TMEM14B: variants seen among roughly 807,000 people sequenced by gnomAD.
TMEM14B encodes transmembrane protein 14B.
Under a neutral mutation model 14.8 loss-of-function variants are expected in TMEM14B, and 9 were observed. The ratio of observed to expected loss-of-function variants is 0.61; its 90% confidence interval spans 0.37 to 1.06. TMEM14B has a LOEUF of 1.06. Ranked by LOEUF, TMEM14B falls within the 50% of genes least tolerant of loss-of-function variation. The pLI, the probability that TMEM14B is intolerant of heterozygous loss-of-function variation, is 0.01. For synonymous variants in TMEM14B, 40 were observed against 51.3 expected, an observed-to-expected ratio of 0.78 and a Z score of 0.94; for missense variants, 128 against 143.6, an observed-to-expected ratio of 0.89 and a Z score of 0.56.
rs972926515 is a variant in TMEM14B at position 10,756,952 on chromosome 6, C to G, written c.*434C>G. ...TTTGAAATTATGTTAAGTGAAATAT[C>G]AATGAAAATAAAGTTTACTATAAAT... On this transcript the variant is annotated 3_prime_UTR_variant, in exon 6 of 6. Coordinates refer to ENST00000379542, the MANE Select transcript of TMEM14B (RefSeq NM_030969.5). 445 of 984,332 alleles carry G rather than the reference C, an allele frequency of 4.5e-4. No individual in the cohort carries two copies. Among genetic ancestry groups the G allele is most frequent in the Non-Finnish European group, 5.2e-4 (430 of 829,044 alleles). The allele number at this position is 984,332 out of a possible 1,614,324, so 61.0% of individuals were successfully genotyped here.
chr6:10,755,417 A>C, intron 5 of TMEM14B, 185 bp downstream of exon 5: 1 of 1,487,422 alleles, frequency 6.7e-7, no homozygotes, highest in Non-Finnish European at 8.9e-7. Flanking sequence ...TGACATGAGT[A>C]TATCCATTCA....
chr6:10,751,331 C>A (rs539993092), intron 4 of TMEM14B, 97 bp downstream of exon 4: 1 of 1,378,672 alleles, frequency 7.3e-7, no homozygotes, highest in South Asian at 1.3e-5. Flanking sequence ...GTTCTTCCCA[C>A]TTAATTTACG....
At chr6:10,750,711 G>A (rs1306269423) in intron 3 of TMEM14B, among the ~76,000 whole-genome samples, 2 of 152,040 alleles carry the variant, frequency 1.3e-5, no homozygotes, top group African/African-American at 4.8e-5. Flanking sequence ...GGCTGCCAGT[G>A]AAAGAGCCAA....
chr6:10,751,142 C>G lies in TMEM14B; in HGVS notation c.110C>G (p.Pro37Arg). 3 of 1,613,738 alleles carry G rather than the reference C, an allele frequency of 1.9e-6. No individual in the cohort carries two copies. The highest frequency in any genetic ancestry group is 2.5e-6 in the Non-Finnish European group (3 of 1,179,998). ...GTTTGCTTCCTTCTAGGCAGCGTGC[C>G]GTCCCTGGCTGCAGGGCTGCTCTTC... ...IVGYVKTGSV[P>R]SLAAGLLFGS... Residue 37 changes from proline to arginine, a missense_variant, in exon 4 of 6, where the codon CCG becomes CGG. Transcript: ENST00000379542.
In TMEM14B at chr6:10,751,180, G is replaced by A. The variant is rs146152247; in HGVS notation, c.148G>A (p.Gly50Ser). 1,012 of 1,613,960 alleles carry A rather than the reference G, an allele frequency of 6.3e-4. 1 individual carries two copies. Among genetic ancestry groups the A allele is most frequent in the Non-Finnish European group, 8.2e-4 (969 of 1,180,022 alleles). The change falls in exon 4 of 6, where the codon GGC becomes AGC. Residue 50 changes from glycine to serine, a missense_variant. Physicochemically the swap from Gly to Ser is moderately conservative, Grantham distance 56. Transcript: ENST00000379542. The stretch of plus-strand genomic sequence containing the variant: ...AGGGCTGCTCTTCGGCAGTCTAGCC[G>A]GCCTGGGTGCTTACCAGCTGTATCA... ...AAGLLFGSLA[G>S]LGAYQLYQDP...
intron 5 of TMEM14B, chr6:10,755,444 G>C: frequency 2.7e-6 from 4 of 1,459,178 alleles, no homozygotes; most frequent in African/African-American, 1.4e-5. Flanking sequence ...AGATGGCTTT[G>C]TTCTCTGGTC....
intron 4 of TMEM14B, 150 bp from the exon 5 acceptor site, chr6:10,754,992 G>A (rs1471720974): frequency 1.6e-5 from 13 of 802,458 alleles, no homozygotes; most frequent in Non-Finnish European, 2.3e-5. Context: ...CCCATAGGAT[G>A]TGGGCAGCTA....
At chr6:10,756,062 T>C (rs568633449) in intron 5 of TMEM14B, among the ~76,000 whole-genome samples, 36 of 152,158 alleles carry the variant, frequency 2.4e-4, no homozygotes, top group Non-Finnish European at 4.9e-4. Context: ...ACTCTGATCA[T>C]AGTCGTGATG....
intron 4 of TMEM14B, among the ~76,000 whole-genome samples, chr6:10,754,785 A>T (rs80000484): frequency 7.2e-5 from 11 of 152,354 alleles, no homozygotes; most frequent in Non-Finnish European, 1.3e-4. Flanking sequence ...TGGGAATTGC[A>T]TGCAGGGTAG....
At chr6:10,755,764 G>T in intron 5 of TMEM14B, 1 of 678,724 alleles carries the variant, frequency 1.5e-6, no homozygotes. Context: ...AGACCAGCCT[G>T]GCCAACATGG....
intron 1 of TMEM14B, among the ~76,000 whole-genome samples, 162 bp downstream of exon 1, chr6:10,748,043 C>T (rs532069525): frequency 5.3e-5 from 8 of 152,276 alleles, no homozygotes; most frequent in Admixed American, 1.3e-4. Context: ...TTCTGCTTGT[C>T]TTAAAAGAGG....
chr6:10,754,413 A>G (rs1039295536), intron 4 of TMEM14B, among the ~76,000 whole-genome samples: 1 of 152,098 alleles, frequency 6.6e-6, no homozygotes, highest in East Asian at 1.9e-4. Flanking sequence ...TGAATGTGCC[A>G]TGCTCCCTGT....
chr6:10,749,289 TAG>T (rs1232817931), intron 2 of TMEM14B, 21 bp downstream of exon 2: 1 of 1,614,010 alleles, frequency 6.2e-7, no homozygotes, highest in Non-Finnish European at 8.5e-7. Flanking sequence ...AGTAAATGGT[TAG>T]AGAGTAGCCA....
intron 4 of TMEM14B, among the ~76,000 whole-genome samples, chr6:10,754,622 T>G (rs371209005): frequency 9.2e-5 from 14 of 152,354 alleles, no homozygotes; most frequent in African/African-American, 3.4e-4. Flanking sequence ...GAAGCACACA[T>G]TGTACCTTGT....
At chr6:10,748,855 G>T (rs1300460431) in intron 1 of TMEM14B, among the ~76,000 whole-genome samples, 1 of 152,202 alleles carries the variant, frequency 6.6e-6, no homozygotes, top group African/African-American at 2.4e-5. Flanking sequence ...GTTGGATTAA[G>T]GGCACGGGAG....
intron 4 of TMEM14B, among the ~76,000 whole-genome samples, chr6:10,754,773 A>G (rs1489199930): frequency 6.6e-6 from 1 of 152,234 alleles, no homozygotes; most frequent in Non-Finnish European, 1.5e-5. Context: ...ACAGATACCC[A>G]GTGGGAATTG....
chr6:10,748,864 A>G (rs1429619786), intron 1 of TMEM14B, among the ~76,000 whole-genome samples: 1 of 152,202 alleles, frequency 6.6e-6, no homozygotes, highest in East Asian at 1.9e-4. Flanking sequence ...AGGGCACGGG[A>G]GTATTTGCTT....
intron 1 of TMEM14B, among the ~76,000 whole-genome samples, chr6:10,748,705 C>T (rs896003377): frequency 3.9e-5 from 6 of 151,902 alleles, no homozygotes; most frequent in Admixed American, 2.6e-4. Flanking sequence ...TGTATTTTAC[C>T]CTCCCCTTCT....
At chr6:10,755,646 T>C in intron 5 of TMEM14B, 1 of 1,135,198 alleles carries the variant, frequency 8.8e-7, no homozygotes, top group Non-Finnish European at 1.1e-6. Context: ...CTAAACCAAA[T>C]TGTGGTTTTT....
Sources: gnomAD v4.1 joint callset for allele counts (sites outside exome capture counted in the v4.1 genomes callset) on GRCh38, gnomAD v4.1.1 for gene constraint, MANE v1.5 for transcripts, NCBI Gene and HGNC (gene_info 2026-07-23, HGNC 2026-07-21) for gene names.